Variants in ST3GAL4 observed in about 807,000 individuals in gnomAD.
The protein encoded by ST3GAL4 is CMP-N-acetylneuraminate-beta-galactosamide-alpha-2,3-sialyltransferase 4.
Under a neutral mutation model 42.6 loss-of-function variants are expected in ST3GAL4, and 24 were observed. That is an observed-to-expected ratio of 0.56 (90% CI 0.41 to 0.79). ST3GAL4 has a LOEUF of 0.79. Ranked by LOEUF, ST3GAL4 falls within the 30% of genes least tolerant of loss-of-function variation. The pLI, the probability that ST3GAL4 is intolerant of heterozygous loss-of-function variation, is 0.00. For missense variants in ST3GAL4, 311 were observed against 430.8 expected, an observed-to-expected ratio of 0.72 and a Z score of 2.46; for synonymous variants, 135 against 163.2, an observed-to-expected ratio of 0.83 and a Z score of 1.32.
chr11:126,373,645 G>A lies in ST3GAL4; in HGVS notation c.-61+17803G>A, dbSNP rs567693518. Among the ~76,000 whole-genome samples, 231 of 152,278 alleles carry A rather than the reference G, an allele frequency of 1.5e-3. 1 individual carries two copies. Among genetic ancestry groups the A allele is most frequent in the African/African-American group, 5.3e-3 (220 of 41,562 alleles). ...TCGTGGTGGGTAGCCTGTGGAGCCT[G>A]AGGGTGGGAACAGAGAGACTTCTTT... is the stretch of plus-strand genomic sequence containing the variant. On this transcript the variant is annotated intron_variant, in intron 1 of 10. Transcript: ENST00000444328. The surrounding 1 kb of genome is among the most constrained non-coding windows in gnomAD (Gnocchi z 5.5).
At chr11:126,385,343 A>G (rs1425814706) in intron 1 of ST3GAL4, among the ~76,000 whole-genome samples, 1 of 151,654 alleles carries the variant, frequency 6.6e-6, no homozygotes, top group East Asian at 2.0e-4. Context: ...TAGTAGAGAC[A>G]GGGTTTCACT....
chr11:126,391,936 C>CATGTGTGTGT lies in ST3GAL4; in HGVS notation c.-60-14160_-60-14159insATGTGTGTGT, dbSNP rs147051433. 2.9e-3 allele frequency among the ~76,000 whole-genome samples: 414 copies of CATGTGTGTGT among 144,468 alleles called. 3 individuals are homozygous for CATGTGTGTGT. The highest frequency in any genetic ancestry group is 9.9e-3 in the African/African-American group (378 of 38,206). 94.8% of individuals were successfully genotyped at this position (144,468 alleles called of 152,430 possible). A position where few individuals can be genotyped will look rare whatever the true frequency, so the allele number is the denominator to read the frequency against. ...CTCAGAACACCTGTGATAACTTGGT[C>CATGTGTGTGT]GTGTGTGTGTGTGTGTGTGTGTGTG... On this transcript the variant is annotated intron_variant, in intron 1 of 10. Transcript: ENST00000444328. This position sits in a 1 kb window ranked among gnomAD's most constrained non-coding sequence, Gnocchi z 5.5.
chr11:126,380,088 C>T (rs1438175004), intron 1 of ST3GAL4, among the ~76,000 whole-genome samples: 1 of 151,738 alleles, frequency 6.6e-6, no homozygotes, highest in Non-Finnish European at 1.5e-5. Context: ...ATGGTGAAAC[C>T]CCATCTCTAC....
chr11:126,412,745 C>T (rs1222641440), intron 9 of ST3GAL4, among the ~76,000 whole-genome samples: 1 of 152,234 alleles, frequency 6.6e-6, no homozygotes, highest in East Asian at 1.9e-4. Flanking sequence ...CCCAGGTCTT[C>T]TGAATGAGGT....
intron 1 of ST3GAL4, among the ~76,000 whole-genome samples, chr11:126,365,970 G>A (rs1478427014): frequency 1.3e-5 from 2 of 152,212 alleles, no homozygotes; most frequent in African/African-American, 4.8e-5. Context: ...CACCTGTGGG[G>A]CTCATAGGCG....
chr11:126,381,574 G>C lies in ST3GAL4; in HGVS notation c.-60-24522G>C, dbSNP rs1953003662. 2.0e-5 allele frequency among the ~76,000 whole-genome samples: 3 copies of C among 148,606 alleles called. No homozygotes were observed. The East Asian group carries it at 6.1e-4, about 30-fold the overall frequency. ...AGGAGGAGAGGGTGGGAGCAGGAGG[G>C]GGAAGTGCTGGTCTTGACCTCCCAG... On this transcript the variant is annotated intron_variant, in intron 1 of 10. Transcript: ENST00000444328.
chr11:126,359,738 TC>T lies in ST3GAL4; in HGVS notation c.-61+3899del, dbSNP rs1952183199. Among the ~76,000 whole-genome samples the T allele has an allele frequency of 9.1e-6, 1 of 110,322 alleles. No homozygotes were observed. Among genetic ancestry groups the T allele is most frequent in the African/African-American group, 4.1e-5 (1 of 24,420 alleles). 72.4% of individuals were successfully genotyped at this position (110,322 alleles called of 152,430 possible). ...GACAAGGTTCTTCTCCCTCCCTCCT[TC>T]CCTCCTTCCCTCCTTCCCTCCTTCC... On this transcript the variant is annotated intron_variant, in intron 1 of 10. Coordinates refer to ENST00000444328, the MANE Select transcript of ST3GAL4 (RefSeq NM_001254757.2). The surrounding 1 kb of genome is among the most constrained non-coding windows in gnomAD (Gnocchi z 4.8).
chr11:126,405,863 C>A lies in ST3GAL4; in HGVS notation c.-60-233C>A, dbSNP rs1438296199. ...TTGGGACCGAGTCCCGAGTCCCTGG[C>A]TGGACCCTCGGTTTTCCCTTCCGTG... On this transcript the variant is annotated intron_variant, in intron 1 of 10. Coordinates refer to ENST00000444328, the MANE Select transcript of ST3GAL4 (RefSeq NM_001254757.2). 7.0e-6 allele frequency: 4 copies of A among 567,750 alleles called. No homozygotes were observed. In the East Asian group the frequency reaches 1.2e-4, roughly 18 times the overall value. 35.2% of individuals were successfully genotyped at this position (567,750 alleles called of 1,614,324 possible). A position where few individuals can be genotyped will look rare whatever the true frequency, so the allele number is the denominator to read the frequency against.
At chr11:126,369,769 A>G (rs192302005) in intron 1 of ST3GAL4, among the ~76,000 whole-genome samples, 5 of 152,330 alleles carry the variant, frequency 3.3e-5, no homozygotes, top group Admixed American at 3.3e-4. Flanking sequence ...AGCAGTACAA[A>G]TGGGAATATG....
chr11:126,401,303 C>T (rs1266366395), intron 1 of ST3GAL4, among the ~76,000 whole-genome samples: 1 of 151,344 alleles, frequency 6.6e-6, no homozygotes, highest in African/African-American at 2.4e-5. Context: ...CTCGGTGGCT[C>T]ACGCCTGTAA....
intron 1 of ST3GAL4, chr11:126,356,201 C>A (rs1591400939): frequency 6.6e-6 from 1 of 152,478 alleles, no homozygotes; most frequent in East Asian, 1.9e-4. Flanking sequence ...ACAACTACCC[C>A]GGTCAGGTCC....
chr11:126,372,038 G>A (rs1952672784), intron 1 of ST3GAL4, among the ~76,000 whole-genome samples: 2 of 152,160 alleles, frequency 1.3e-5, no homozygotes, highest in African/African-American at 4.8e-5. Flanking sequence ...TTTGGTGGTG[G>A]TTATGATAAA....
chr11:126,406,318 C>T lies in ST3GAL4; in HGVS notation c.16+147C>T. On this transcript the variant is annotated intron_variant, in intron 2 of 10. Transcript: ENST00000444328. The surrounding 1 kb of genome is among the most constrained non-coding windows in gnomAD (Gnocchi z 5.4). ...CATCTTGAAGGACAGTGGGTACAAT[C>T]AGGGTCAAGCCCTCAGCCAGGGCCA... 6.5e-7 allele frequency: 1 copy of T among 1,539,558 alleles called. No individual in the cohort carries two copies.
chr11:126,403,818 G>T (rs1203453900), intron 1 of ST3GAL4, among the ~76,000 whole-genome samples: 1 of 152,144 alleles, frequency 6.6e-6, no homozygotes, highest in African/African-American at 2.4e-5. Context: ...TAGGGAGCTG[G>T]TTAGAATGCA....
intron 10 of ST3GAL4, 147 bp downstream of exon 10, chr11:126,413,795 GCATCCTC>G: frequency 7.1e-7 from 1 of 1,414,638 alleles, no homozygotes; most frequent in Non-Finnish European, 9.6e-7. Context: ...TCCCTGGCCA[GCATCCTC>G]CATGTTCAGC....
Position 126,406,603 on chromosome 11 carries a change from G to A in ST3GAL4, c.101+46G>A, listed in dbSNP as rs1454315884. On this transcript the variant is annotated intron_variant, in intron 3 of 10. Transcript: ENST00000444328. This position sits in a 1 kb window ranked among gnomAD's most constrained non-coding sequence, Gnocchi z 5.4. The stretch of plus-strand genomic sequence containing the variant: ...CTTCCAGTGGCTCTTGTCAGGGACA[G>A]GGCTTAGGGATGGAGCATCATGGAG... The A allele has an allele frequency of 1.2e-6, 2 of 1,613,642 alleles. No individual in the cohort carries two copies. The highest frequency in any genetic ancestry group is 2.2e-5 in the East Asian group (1 of 44,874).
intron 1 of ST3GAL4, among the ~76,000 whole-genome samples, chr11:126,362,550 G>A (rs568481281): frequency 1.3e-5 from 2 of 152,210 alleles, no homozygotes; most frequent in South Asian, 2.1e-4. Context: ...TCCAGTGCCC[G>A]GACTCCAGCA....
chr11:126,414,238 C>A lies in ST3GAL4; in HGVS notation c.*191C>A. 1.6e-6 allele frequency: 1 copy of A among 622,096 alleles called. No individual in the cohort carries two copies. Among genetic ancestry groups the A allele is most frequent in the Non-Finnish European group, 2.8e-6 (1 of 351,242 alleles). The allele number at this position is 622,096 out of a possible 1,614,324, so 38.5% of individuals were successfully genotyped here. A position where few individuals can be genotyped will look rare whatever the true frequency, so the allele number is the denominator to read the frequency against. On this transcript the variant is annotated 3_prime_UTR_variant, in exon 11 of 11. Coordinates refer to ENST00000444328, the MANE Select transcript of ST3GAL4 (RefSeq NM_001254757.2). ...TGCTCTTATGGAGCCGAGATCCAGT[C>A]AGGGTGGGGGCGCTGGAGCCGTGGG...
intron 1 of ST3GAL4, chr11:126,358,281 C>T: frequency 7.5e-6 from 2 of 265,178 alleles, no homozygotes; most frequent in South Asian, 3.0e-5. Context: ...TTCCCTCACG[C>T]TGGGATCCTC....
Sources: allele counts gnomAD v4.1 joint callset (sites outside exome capture counted in the v4.1 genomes callset), GRCh38; gene constraint gnomAD v4.1.1; non-coding constraint Gnocchi (gnomAD v3.1); transcripts MANE v1.5; gene names NCBI Gene and HGNC (gene_info 2026-07-23, HGNC 2026-07-21).